SPARCL1: variants seen among roughly 807,000 people sequenced by gnomAD.
SPARCL1 encodes the protein SPARC-like protein 1.
A neutral mutation model predicts 67.1 loss-of-function variants in SPARCL1; 52 were observed. The ratio of observed to expected loss-of-function variants is 0.78; its 90% CI spans 0.62 to 0.98. The LOEUF (loss-of-function observed/expected upper bound fraction) is 0.98, where lower values mean the gene tolerates loss of function less well. Ranked by LOEUF, SPARCL1 falls within the 50% of genes least tolerant of loss-of-function variation. The pLI, the probability that SPARCL1 is intolerant of heterozygous loss-of-function variation, is 0.00. For missense variants in SPARCL1, 717 were observed against 782.4 expected, an observed-to-expected ratio of 0.92 and a Z score of 1.00; for synonymous variants, 226 against 267.8, an observed-to-expected ratio of 0.84 and a Z score of 1.52.
chr4:87,490,160 G>T (rs1724254313), intron 7 of SPARCL1, 113 bp downstream of exon 7: 11 of 1,138,444 alleles, frequency 9.7e-6, no homozygotes, highest in African/African-American at 1.6e-5. Flanking sequence ...GATAATTTTT[G>T]TGTTCAGAAC....
chr4:87,486,888 C>CCTTTTTTTTTTTT (rs1724083814), intron 7 of SPARCL1, among the ~76,000 whole-genome samples: 1 of 27,968 alleles, frequency 3.6e-5, no homozygotes, highest in Non-Finnish European at 7.1e-5. Context: ...GCAATTCCTG[C>CCTTTTTTTTTTTT]TTTTTTTTTT....
chr4:87,522,640 AACACACACACAC>A (rs57929830), intron 1 of SPARCL1, among the ~76,000 whole-genome samples: 26 of 131,896 alleles, frequency 2.0e-4, no homozygotes, highest in African/African-American at 5.3e-4. Flanking sequence ...ACCACCACCA[AACACACACACAC>A]ACACACACAC....
chr4:87,506,139 C>T (rs1725063111), intron 1 of SPARCL1, among the ~76,000 whole-genome samples: 1 of 152,130 alleles, frequency 6.6e-6, no homozygotes, highest in Non-Finnish European at 1.5e-5. Context: ...GGGGCAAAAT[C>T]GCCCTGATTG....
Position 87,523,275 on chromosome 4 carries a change from T to A in SPARCL1, c.-12+5770A>T, listed in dbSNP as rs937804512. The stretch of plus-strand genomic sequence containing the variant: ...GACTCTGTCTCAAAAAAAAAAAAAA[T>A]CTCAAGCAATGCTTATTTTTATTCT... On this transcript the variant is annotated intron_variant, in intron 1 of 10. Coordinates refer to ENST00000282470, the MANE Select transcript of SPARCL1 (RefSeq NM_004684.6). Among the ~76,000 whole-genome samples, 9 of 131,512 alleles carry A rather than the reference T, an allele frequency of 6.8e-5. No individual in the cohort carries two copies. The East Asian group carries it at 1.2e-3, about 17-fold the overall frequency. The allele number at this position is 131,512 out of a possible 152,430, so 86.3% of individuals were successfully genotyped here. A position where few individuals can be genotyped will look rare whatever the true frequency, so the allele number is the denominator to read the frequency against.
chr4:87,479,389 G>A (rs376987650), intron 10 of SPARCL1, 41 bp downstream of exon 10: 1 of 1,591,034 alleles, frequency 6.3e-7, no homozygotes, highest in Non-Finnish European at 8.6e-7. Context: ...GCTTGTCTGA[G>A]GAAGAAGACA....
Position 87,517,274 on chromosome 4 carries a change from A to G in SPARCL1, c.-12+11771T>C, listed in dbSNP as rs370944116. ...AAGGCCCCTCACTTGTGCAGCCTCC[A>G]TACAAAGTTCTAGACTTGATTTTGA... On this transcript the variant is annotated intron_variant, in intron 1 of 10. Coordinates refer to ENST00000282470, the MANE Select transcript of SPARCL1 (RefSeq NM_004684.6). 8.5e-5 allele frequency among the ~76,000 whole-genome samples: 13 copies of G among 152,286 alleles called. No individual in the cohort carries two copies. In the East Asian group the frequency reaches 1.9e-3, roughly 23 times the overall value.
At chr4:87,488,675 C>A (rs1724176824) in intron 7 of SPARCL1, among the ~76,000 whole-genome samples, 1 of 152,170 alleles carries the variant, frequency 6.6e-6, no homozygotes, top group Non-Finnish European at 1.5e-5. Context: ...ACATTTAAGT[C>A]TGCTCTGCCC....
At chr4:87,511,270 T>C (rs1410690094) in intron 1 of SPARCL1, among the ~76,000 whole-genome samples, 1 of 152,200 alleles carries the variant, frequency 6.6e-6, no homozygotes, top group Non-Finnish European at 1.5e-5. Context: ...AATTAGATAT[T>C]GTAGGAATAT....
intron 4 of SPARCL1, among the ~76,000 whole-genome samples, chr4:87,492,107 G>C (rs923199921): frequency 2.6e-5 from 4 of 151,310 alleles, no homozygotes; most frequent in African/African-American, 9.7e-5. Context: ...GACAGAGCAA[G>C]ACTCCATCTC....
intron 3 of SPARCL1, 138 bp from the exon 4 acceptor site, chr4:87,494,736 G>A (rs573347840): frequency 3.4e-6 from 3 of 877,576 alleles, no homozygotes; most frequent in South Asian, 4.0e-5. Context: ...CTCACACTCT[G>A]TAGCCACAGG....
chr4:87,526,321 A>G (rs529776501), intron 1 of SPARCL1, among the ~76,000 whole-genome samples: 1 of 152,344 alleles, frequency 6.6e-6, no homozygotes, highest in South Asian at 2.1e-4. Flanking sequence ...GGCAATTCAA[A>G]GAATATTTCC....
intron 1 of SPARCL1, among the ~76,000 whole-genome samples, chr4:87,513,943 C>A (rs1240383646): frequency 6.6e-6 from 1 of 152,178 alleles, no homozygotes; most frequent in Non-Finnish European, 1.5e-5. Context: ...CCTGTAATCC[C>A]ACCACTTTGG....
intron 1 of SPARCL1, among the ~76,000 whole-genome samples, chr4:87,501,870 T>G (rs533548398): frequency 6.6e-6 from 1 of 152,282 alleles, no homozygotes; most frequent in South Asian, 2.1e-4. Flanking sequence ...AATTCTGGGG[T>G]TGATTCTCCG....
intron 1 of SPARCL1, among the ~76,000 whole-genome samples, chr4:87,523,999 T>G (rs975995070): frequency 2.0e-5 from 3 of 152,206 alleles, no homozygotes; most frequent in Non-Finnish European, 4.4e-5. Flanking sequence ...CTAGTTTTGC[T>G]CCTTGCTGCA....
chr4:87,484,907 A>C (rs1723988244), intron 7 of SPARCL1, among the ~76,000 whole-genome samples: 1 of 152,110 alleles, frequency 6.6e-6, no homozygotes. Flanking sequence ...ATTTTCGTAC[A>C]TTGATTTTGT....
rs777495104 is a variant in SPARCL1 at position 87,493,680 on chromosome 4, C to G, written c.1120G>C (p.Ala374Pro). 3 of 1,614,106 alleles carry G rather than the reference C, an allele frequency of 1.9e-6. No homozygotes were observed. Among genetic ancestry groups the G allele is most frequent in the South Asian group, 2.2e-5 (2 of 91,082 alleles). ...TTGAGGTGATAGGCAATGGATTGAGCTCTCTCGGCCTCCAGAAAGGCCTGG... is the reference window on the plus strand; with the variant it reads ...TTGAGGTGATAGGCAATGGATTGAGGTCTCTCGGCCTCCAGAAAGGCCTGG... Reference protein sequence around the residue: ...PSQAFLEAERAQSIAYHLKIE... With the variant: ...PSQAFLEAERPQSIAYHLKIE... The change falls in exon 4 of 11, where the codon GCT (alanine) becomes CCT (proline). Residue 374 changes from alanine (A) to proline (P), a missense_variant. Transcript: ENST00000282470.
Position 87,494,077 on chromosome 4 carries a change from A to G in SPARCL1, c.723T>C (p.Asp241=). The change falls in exon 4 of 11, where the codon GAT becomes GAC. Residue 241 remains aspartate (D), a synonymous_variant. Transcript: ENST00000282470. The stretch of plus-strand genomic sequence containing the variant: ...GTTGATCAGACTCTTCCAAAATATC[A>G]TCAGATTGGGTATTGTCTTCCTCCT... ...SKQEEDNTQS[D]DILEESDQPT... 6.2e-7 allele frequency: 1 copy of G among 1,613,966 alleles called. No homozygotes were observed. The highest frequency in any genetic ancestry group is 1.1e-5 in the South Asian group (1 of 91,066).
intron 4 of SPARCL1, among the ~76,000 whole-genome samples, chr4:87,492,099 CAG>C (rs1724371574): frequency 6.6e-6 from 1 of 151,068 alleles, no homozygotes. Flanking sequence ...GCCTAGGAGA[CAG>C]AGCAAGACTC....
intron 10 of SPARCL1, among the ~76,000 whole-genome samples, chr4:87,478,439 A>ATTT (rs71897053): frequency 1.4e-5 from 2 of 138,800 alleles, no homozygotes; most frequent in Non-Finnish European, 3.1e-5. Flanking sequence ...AACATCTTTC[A>ATTT]TTTTTTTTTT....
Sources: gnomAD v4.1 joint callset for allele counts (sites outside exome capture counted in the v4.1 genomes callset) on GRCh38, gnomAD v4.1.1 for gene constraint, MANE v1.5 for transcripts, NCBI Gene and HGNC (gene_info 2026-07-23, HGNC 2026-07-21) for gene names.